The following PCDH15 variants were observed in gnomAD, a reference collection of about 807,000 sequenced individuals.
PCDH15 encodes protocadherin related 15.
In PCDH15, 129 loss-of-function variants were observed where a neutral mutation model predicts 178.5. The observed-to-expected ratio is 0.72, with a 90% CI of 0.63 to 0.84. PCDH15 has a LOEUF of 0.84. PCDH15 is among the 40% of genes least tolerant of loss of function. PCDH15 has a pLI of 0.00. For synonymous variants in PCDH15, 800 were observed against 732.0 expected (o/e 1.09, Z -1.50); for missense variants, 2,230 against 2,099.9 (o/e 1.06, Z -1.21).
intron 28 of PCDH15, among the ~76,000 whole-genome samples, chr10:53,847,918 A>G (rs1460815166): frequency 6.6e-6 from 1 of 152,098 alleles, no homozygotes; most frequent in Non-Finnish European, 1.5e-5. Flanking sequence ...AATTAAAACA[A>G]AATTAAATTT....
At chr10:54,407,663 C>G (rs1952864174) in intron 3 of PCDH15, among the ~76,000 whole-genome samples, 1 of 152,100 alleles carries the variant, frequency 6.6e-6, no homozygotes, top group Non-Finnish European at 1.5e-5. Flanking sequence ...CAAGGATTCA[C>G]TTGTGTCCAC....
chr10:54,299,655 A>G (rs1238286759), intron 8 of PCDH15, among the ~76,000 whole-genome samples: 1 of 152,188 alleles, frequency 6.6e-6, no homozygotes, highest in Non-Finnish European at 1.5e-5. Flanking sequence ...ATCTAGGAGG[A>G]ACTCCCTTCA....
intron 13 of PCDH15, among the ~76,000 whole-genome samples, chr10:54,166,915 C>T (rs1160521295): frequency 6.6e-6 from 1 of 152,218 alleles, no homozygotes; most frequent in Non-Finnish European, 1.5e-5. Flanking sequence ...CTCCACTGAG[C>T]ACCTTGCGAA....
intron 1 of PCDH15, among the ~76,000 whole-genome samples, chr10:55,240,584 G>T (rs1841515225): frequency 6.6e-6 from 1 of 152,104 alleles, no homozygotes; most frequent in Admixed American, 6.5e-5. Context: ...TACAATAGAT[G>T]TAAAATAAAT....
intron 2 of PCDH15, among the ~76,000 whole-genome samples, chr10:55,059,169 T>A (rs1841372919): frequency 6.6e-6 from 1 of 152,136 alleles, no homozygotes; most frequent in Admixed American, 6.6e-5. Context: ...TGTGGAAAGT[T>A]CTGAAATGTG....
intron 1 of PCDH15, among the ~76,000 whole-genome samples, chr10:54,765,191 T>G (rs568507268): frequency 3.3e-5 from 5 of 152,272 alleles, no homozygotes; most frequent in African/African-American, 7.2e-5. Flanking sequence ...CATAAATATT[T>G]TTATGTTGCC....
At chr10:53,943,515 CAGAAA>C (rs1395569274) in intron 23 of PCDH15, among the ~76,000 whole-genome samples, 4 of 151,348 alleles carry the variant, frequency 2.6e-5, no homozygotes, top group African/African-American at 9.7e-5. Flanking sequence ...AAAAACAAAA[CAGAAA>C]AGAAAAATGC....
chr10:55,339,518 A>T (rs1192264010), intron 2 of PCDH15, among the ~76,000 whole-genome samples: 1 of 152,212 alleles, frequency 6.6e-6, no homozygotes, highest in African/African-American at 2.4e-5. Context: ...TGCATTAATC[A>T]ATGTATACAT....
intron 15 of PCDH15, among the ~76,000 whole-genome samples, chr10:54,113,091 TG>T (rs1374971982): frequency 6.6e-6 from 1 of 152,152 alleles, no homozygotes; most frequent in African/African-American, 2.4e-5. Context: ...TTTTAGGAGC[TG>T]ACAATTGCCA....
At chr10:54,528,263 A>G in intron 2 of PCDH15, 1 of 907,640 alleles carries the variant, frequency 1.1e-6, no homozygotes, top group Non-Finnish European at 1.7e-6. Flanking sequence ...TTGGACTTTA[A>G]TTGTGATAAA....
intron 18 of PCDH15, among the ~76,000 whole-genome samples, chr10:54,039,561 A>G (rs115061782): frequency 2.0e-3 from 298 of 152,140 alleles, no homozygotes; most frequent in African/African-American, 6.9e-3. Flanking sequence ...CATACTTCAG[A>G]TAAGTCATGG....
chr10:54,641,490 A>G (rs936485433), intron 2 of PCDH15, among the ~76,000 whole-genome samples: 1 of 152,054 alleles, frequency 6.6e-6, no homozygotes, highest in South Asian at 2.1e-4. Flanking sequence ...GAATGGCCCT[A>G]TTCTACCTTA....
At chr10:54,134,389 T>G (rs904788546) in intron 14 of PCDH15, among the ~76,000 whole-genome samples, 4 of 152,020 alleles carry the variant, frequency 2.6e-5, no homozygotes, top group Non-Finnish European at 4.4e-5. Flanking sequence ...ATGCTTCAAT[T>G]AAAAGACATG....
intron 21 of PCDH15, among the ~76,000 whole-genome samples, chr10:53,973,390 T>G (rs1282471592): frequency 6.6e-6 from 1 of 151,968 alleles, no homozygotes; most frequent in Non-Finnish European, 1.5e-5. Context: ...TGTATACATA[T>G]GTAACAAACC....
chr10:55,186,558 AC>A (rs1839804469), intron 1 of PCDH15, among the ~76,000 whole-genome samples: 1 of 151,774 alleles, frequency 6.6e-6, no homozygotes, highest in African/African-American at 2.4e-5. Context: ...AGAATAGACA[AC>A]TAATATGAGA....
chr10:55,308,388 C>T (rs377633017), intron 1 of PCDH15, among the ~76,000 whole-genome samples: 1 of 152,062 alleles, frequency 6.6e-6, no homozygotes, highest in Admixed American at 6.6e-5. Context: ...ACTTTCCACT[C>T]GTATACCTTC....
chr10:54,189,233 G>T, intron 11 of PCDH15: 2 of 584,156 alleles, frequency 3.4e-6, no homozygotes, highest in South Asian at 2.9e-5. Context: ...TTTATATAAA[G>T]TATTTGTAGA....
intron 2 of PCDH15, among the ~76,000 whole-genome samples, chr10:55,474,072 A>G (rs1412773229): frequency 1.3e-5 from 2 of 152,196 alleles, no homozygotes; most frequent in Non-Finnish European, 2.9e-5. Context: ...ATATAATAGT[A>G]TATTCATGTT....
upstream of PCDH15, among the ~76,000 whole-genome samples, chr10:54,802,931 C>T (rs1404735096): frequency 6.6e-6 from 1 of 152,150 alleles, no homozygotes; most frequent in Non-Finnish European, 1.5e-5. Flanking sequence ...GAACACTTGT[C>T]AATGACAACA....
Sources: allele counts gnomAD v4.1 joint callset (sites outside exome capture counted in the v4.1 genomes callset), GRCh38; gene constraint gnomAD v4.1.1; transcripts MANE v1.5; gene names NCBI Gene and HGNC (gene_info 2026-07-23, HGNC 2026-07-21).